Variants in POGZ observed in about 807,000 individuals in gnomAD.
POGZ encodes pogo transposable element with ZNF domain.
POGZ carries 17 observed loss-of-function variants against 134.6 expected under a neutral mutation model. The ratio of observed to expected loss-of-function variants is 0.13; its 90% CI spans 0.09 to 0.19. POGZ has a LOEUF of 0.19. POGZ is among the 10% of genes least tolerant of loss of function. The pLI is 1.00. For missense variants in POGZ, 1,306 were observed against 1,769.7 expected (o/e 0.74, Z 4.70); for synonymous variants, 693 against 657.1 (o/e 1.05, Z -0.84).
At chr1:151,415,558 C>T (rs976133993) in intron 10 of POGZ, among the ~76,000 whole-genome samples, 4 of 151,160 alleles carry the variant, frequency 2.6e-5, no homozygotes, top group African/African-American at 9.8e-5. Flanking sequence ...GTAGTCCCAG[C>T]TACTCGGGAG....
intron 10 of POGZ, among the ~76,000 whole-genome samples, chr1:151,413,102 G>C (rs923999246): frequency 2.0e-4 from 26 of 127,924 alleles, no homozygotes; most frequent in Non-Finnish European, 1.6e-4. Context: ...CCGTGCCTGG[G>C]CTTTTTTTTT....
chr1:151,425,583 CAAGT>C (rs1245626983), intron 7 of POGZ, among the ~76,000 whole-genome samples: 1 of 152,136 alleles, frequency 6.6e-6, no homozygotes, highest in Non-Finnish European at 1.5e-5. Context: ...CTAGGTACCT[CAAGT>C]AAGTGGAATC....
At chr1:151,447,642 A>AATTTTTT (rs1263133268) in intron 1 of POGZ, among the ~76,000 whole-genome samples, 1 of 52,936 alleles carries the variant, frequency 1.9e-5, no homozygotes, top group African/African-American at 6.5e-5. Context: ...TGTCTGGCTA[A>AATTTTTT]TTTTTTTTTT....
chr1:151,454,149 T>G (rs1472529122), intron 1 of POGZ, among the ~76,000 whole-genome samples: 2 of 152,184 alleles, frequency 1.3e-5, no homozygotes, highest in Non-Finnish European at 2.9e-5. Flanking sequence ...TTACTGCCAG[T>G]ACATACCTGC....
chr1:151,408,171 A>T lies in POGZ; in HGVS notation c.2304T>A (p.Pro768=). 6 of 1,613,596 alleles carry T rather than the reference A, an allele frequency of 3.7e-6. No homozygotes were observed. The highest frequency in any genetic ancestry group is 5.1e-6 in the Non-Finnish European group (6 of 1,179,590). ...FEIPDFPNHF[P]TYVHCSLCRY... ...GACACAGAGAGCAGTGTACGTAAGT[A>T]GGGAAATGATTAGGGAAGTCTGGGA... The change falls in exon 15 of 19, where the codon CCT becomes CCA. Residue 768 remains proline, a synonymous_variant. Transcript: ENST00000271715.
At chr1:151,457,747 T>C (rs1662945106) in intron 1 of POGZ, among the ~76,000 whole-genome samples, 1 of 152,032 alleles carries the variant, frequency 6.6e-6, no homozygotes, top group Non-Finnish European at 1.5e-5. Flanking sequence ...GCCAACATGG[T>C]GAAACCTCGT....
At chr1:151,411,891 G>C (rs2102190765) in intron 11 of POGZ, 120 bp from the exon 12 acceptor site, 1 of 753,240 alleles carries the variant, frequency 1.3e-6, no homozygotes, top group Non-Finnish European at 2.1e-6. Context: ...CAAATGCATA[G>C]AAATCAAATT....
At chr1:151,407,467 T>G (rs912280697) in intron 15 of POGZ, among the ~76,000 whole-genome samples, 176 bp from the exon 16 acceptor site, 1 of 152,204 alleles carries the variant, frequency 6.6e-6, no homozygotes, top group Non-Finnish European at 1.5e-5. Context: ...TACAAGTCAC[T>G]GAGGATCTAT....
At chr1:151,453,765 G>C (rs2102428423) in intron 1 of POGZ, among the ~76,000 whole-genome samples, 1 of 152,274 alleles carries the variant, frequency 6.6e-6, no homozygotes, top group South Asian at 2.1e-4. Context: ...CTGGAGGGAA[G>C]GGGACTATTT....
rs555427755 is a variant in POGZ at position 151,416,963 on chromosome 1, C to T, written c.1679-4567G>A. On this transcript the variant is annotated intron_variant, in intron 10 of 18. Coordinates refer to ENST00000271715, the MANE Select transcript of POGZ (RefSeq NM_015100.4). ...TGTTATTAAGATGATACTGTTATCA[C>T]AATTAAATATAATGATCCACTGATA... Among the ~76,000 whole-genome samples the T allele has an allele frequency of 1.9e-3, 286 of 151,748 alleles. 1 individual carries two copies. Among genetic ancestry groups the T allele is most frequent in the African/African-American group, 6.5e-3 (269 of 41,346 alleles).
At chr1:151,455,538 TTA>T (rs1662661253) in intron 1 of POGZ, among the ~76,000 whole-genome samples, 1 of 152,218 alleles carries the variant, frequency 6.6e-6, no homozygotes, top group Non-Finnish European at 1.5e-5. Flanking sequence ...GATCTTTTGT[TTA>T]TGTGAATTTT....
chr1:151,418,714 CA>C (rs1182181050), intron 10 of POGZ, among the ~76,000 whole-genome samples: 1 of 151,996 alleles, frequency 6.6e-6, no homozygotes. Flanking sequence ...TATTATGCAT[CA>C]ATTCTTTTTT....
At chr1:151,423,363 T>C in intron 10 of POGZ, 34 bp downstream of exon 10, 1 of 1,575,528 alleles carries the variant, frequency 6.3e-7, no homozygotes, top group Non-Finnish European at 8.7e-7. Context: ...CAGCAAGGTA[T>C]ATTCCCCTTG....
At chr1:151,427,241 T>G (rs538130271) in intron 7 of POGZ, 1 of 153,676 alleles carries the variant, frequency 6.5e-6, no homozygotes, top group East Asian at 1.9e-4. Context: ...AATAAAAGAA[T>G]AAAACTTTTC....
chr1:151,416,393 T>C (rs113972504), intron 10 of POGZ, among the ~76,000 whole-genome samples: 1,679 of 152,000 alleles, frequency 0.011, 33 homozygotes, highest in African/African-American at 0.038. Context: ...TCCCAGCTAC[T>C]TGGAAGGATG....
intron 1 of POGZ, among the ~76,000 whole-genome samples, chr1:151,454,353 C>T (rs1277375333): frequency 1.3e-5 from 2 of 152,184 alleles, no homozygotes; most frequent in African/African-American, 4.8e-5. Context: ...ACCTATAGGG[C>T]TGAATACTTA....
intron 1 of POGZ, among the ~76,000 whole-genome samples, chr1:151,455,903 T>C (rs538690346): frequency 0.021 from 3,104 of 148,544 alleles, 102 homozygotes; most frequent in African/African-American, 0.074. Flanking sequence ...TCTTTTTTTT[T>C]TTTTTTTTTT....
At position 151,429,768 on chromosome 1, in the gene POGZ, T is replaced by C. The variant is rs975913702; in HGVS notation, c.460-57A>G. On this transcript the variant is annotated intron_variant, in intron 4 of 18. Coordinates refer to ENST00000271715, the MANE Select transcript of POGZ (RefSeq NM_015100.4). ...GGAGACCAATTAACACTGACAAAGA[T>C]TGCAGTATGACCTACATCCAAAAAA... 57 of 967,194 alleles carry C rather than the reference T, an allele frequency of 5.9e-5. 1 individual carries two copies. The East Asian group carries it at 6.4e-4, about 11-fold the overall frequency. 59.9% of individuals were successfully genotyped at this position (967,194 alleles called of 1,614,324 possible).
At chr1:151,446,756 A>T (rs1344583596) in intron 1 of POGZ, among the ~76,000 whole-genome samples, 41 of 15,614 alleles carry the variant, frequency 2.6e-3, no homozygotes, top group African/African-American at 4.3e-3. Flanking sequence ...ACTCCATCTC[A>T]AAAAAAAAAA....
Sources: gnomAD v4.1 joint callset for allele counts (sites outside exome capture counted in the v4.1 genomes callset) on GRCh38, gnomAD v4.1.1 for gene constraint, MANE v1.5 for transcripts, NCBI Gene and HGNC (gene_info 2026-07-23, HGNC 2026-07-21) for gene names.